The following TAFA4 variants were observed in gnomAD, a reference collection of about 807,000 sequenced individuals.
TAFA4 encodes chemokine-like protein TAFA-4.
In TAFA4, 20 loss-of-function variants were observed where a neutral mutation model predicts 21.1. That is an observed-to-expected ratio of 0.95 (90% CI 0.67 to 1.38). TAFA4 has a LOEUF of 1.38. Among genes scored for constraint, TAFA4 ranks in the 40% most tolerant of loss-of-function variants. The pLI is 0.00. For synonymous variants in TAFA4, 71 were observed against 67.4 expected, an observed-to-expected ratio of 1.05 and a Z score of -0.26; for missense variants, 211 against 180.9, an observed-to-expected ratio of 1.17 and a Z score of -0.95.
At chr3:68,810,101 C>T (rs560718002) in intron 3 of TAFA4, among the ~76,000 whole-genome samples, 2 of 152,134 alleles carry the variant, frequency 1.3e-5, no homozygotes, top group African/African-American at 4.8e-5. Flanking sequence ...TTTTTCCTAC[C>T]TCTATAAAAA....
chr3:68,827,043 A>AC (rs1002489410), intron 3 of TAFA4, among the ~76,000 whole-genome samples: 1 of 35,518 alleles, frequency 2.8e-5, no homozygotes, highest in African/African-American at 1.1e-4. Context: ...CCAGCCCCCC[A>AC]CCCCCCAACA....
intron 3 of TAFA4, among the ~76,000 whole-genome samples, chr3:68,770,950 C>G (rs967424553): frequency 6.6e-6 from 1 of 152,152 alleles, no homozygotes. Context: ...CACACACAAG[C>G]GGCTGGACAT....
intron 4 of TAFA4, among the ~76,000 whole-genome samples, chr3:68,741,247 A>AAT (rs1454626152): frequency 6.6e-6 from 1 of 152,154 alleles, no homozygotes; most frequent in Non-Finnish European, 1.5e-5. Flanking sequence ...ACATTTTAAC[A>AAT]ATATTTTTCC....
At chr3:68,800,875 T>G (rs1703563667) in intron 3 of TAFA4, among the ~76,000 whole-genome samples, 1 of 152,162 alleles carries the variant, frequency 6.6e-6, no homozygotes, top group African/African-American at 2.4e-5. Flanking sequence ...AAAATGAGGC[T>G]AAGGAAAAGG....
At chr3:68,799,114 C>T (rs1294121396) in intron 3 of TAFA4, among the ~76,000 whole-genome samples, 1 of 152,116 alleles carries the variant, frequency 6.6e-6, no homozygotes, top group East Asian at 1.9e-4. Flanking sequence ...GTCCCCCCTC[C>T]CTCAAGATGT....
chr3:68,884,770 T>G (rs1485982336), intron 2 of TAFA4, among the ~76,000 whole-genome samples: 2 of 152,224 alleles, frequency 1.3e-5, no homozygotes, highest in Non-Finnish European at 2.9e-5. Flanking sequence ...CCCTAATCTA[T>G]CTTCTTCTTA....
At chr3:68,833,268 T>C (rs1046485655) in intron 3 of TAFA4, among the ~76,000 whole-genome samples, 4 of 152,194 alleles carry the variant, frequency 2.6e-5, no homozygotes, top group African/African-American at 7.2e-5. Flanking sequence ...ACCCATCTTC[T>C]GTGTCAATCT....
intron 3 of TAFA4, among the ~76,000 whole-genome samples, chr3:68,803,569 G>A (rs906738481): frequency 3.3e-5 from 5 of 152,006 alleles, no homozygotes; most frequent in African/African-American, 9.7e-5. Flanking sequence ...GAAGTACTAA[G>A]AAGTCCATCT....
chr3:68,894,918 G>A (rs1410490108), intron 1 of TAFA4, among the ~76,000 whole-genome samples: 1 of 152,114 alleles, frequency 6.6e-6, no homozygotes, highest in Non-Finnish European at 1.5e-5. Context: ...GCAATGGCGT[G>A]GTCTCCGCTC....
At position 68,898,178 on chromosome 3, in the gene TAFA4, C is replaced by G. The variant is rs557810953; in HGVS notation, c.-122-12868G>C. On this transcript the variant is annotated intron_variant, in intron 1 of 5. Coordinates refer to ENST00000295569, the MANE Select transcript of TAFA4 (RefSeq NM_182522.5). ...TAGCTTGAGCAAAGGTCAGTCTTGA[C>G]CAGCAGTGATTCAGAACCAGTCGCT... Among the ~76,000 whole-genome samples, 26 of 152,312 alleles carry G rather than the reference C, an allele frequency of 1.7e-4. No individual in the cohort carries two copies. In the South Asian group the frequency reaches 3.1e-3, roughly 18 times the overall value.
chr3:68,782,963 C>A (rs1022766404), intron 3 of TAFA4, among the ~76,000 whole-genome samples: 2 of 151,990 alleles, frequency 1.3e-5, no homozygotes, highest in African/African-American at 4.8e-5. Flanking sequence ...ATGTAATGAC[C>A]AAGTAAGGTT....
intron 3 of TAFA4, among the ~76,000 whole-genome samples, chr3:68,803,981 TTTC>T (rs760955100): frequency 6.6e-6 from 1 of 151,588 alleles, no homozygotes; most frequent in Non-Finnish European, 1.5e-5. Context: ...AGAGATGGGG[TTTC>T]TCCATGTTGG....
chr3:68,907,146 C>A (rs956455552), intron 1 of TAFA4, among the ~76,000 whole-genome samples: 3 of 150,248 alleles, frequency 2.0e-5, no homozygotes, highest in East Asian at 2.0e-4. Flanking sequence ...GTTTCAATAA[C>A]GTGATTTTAG....
intron 3 of TAFA4, among the ~76,000 whole-genome samples, chr3:68,858,037 C>A (rs542753066): frequency 6.6e-6 from 1 of 152,094 alleles, no homozygotes. Context: ...AGTGGCCCTG[C>A]TTTTCCTCCC....
At chr3:68,751,782 T>G (rs1433019839) in intron 4 of TAFA4, among the ~76,000 whole-genome samples, 11 of 152,160 alleles carry the variant, frequency 7.2e-5, no homozygotes, top group Non-Finnish European at 2.9e-5. Flanking sequence ...GATTATGGGG[T>G]GCAAGTGGAG....
chr3:68,835,802 C>T lies in TAFA4; in HGVS notation c.130+44928G>A, dbSNP rs535204985. Among the ~76,000 whole-genome samples, 440 of 152,338 alleles carry T rather than the reference C, an allele frequency of 2.9e-3. 2 individuals are homozygous for T. Among genetic ancestry groups the T allele is most frequent in the Non-Finnish European group, 2.5e-3 (167 of 68,042 alleles). ...TGTGTAGCTGCAGCAGATGTGCTTTCTTAGTTCCCAAGCATCAAATGCCAA... is the reference window on the plus strand; with the variant it reads ...TGTGTAGCTGCAGCAGATGTGCTTTTTTAGTTCCCAAGCATCAAATGCCAA... On this transcript the variant is annotated intron_variant, in intron 3 of 5. Coordinates refer to ENST00000295569, the MANE Select transcript of TAFA4 (RefSeq NM_182522.5).
chr3:68,733,990 G>A (rs969564973), intron 5 of TAFA4, among the ~76,000 whole-genome samples: 1 of 151,854 alleles, frequency 6.6e-6, no homozygotes, highest in East Asian at 1.9e-4. Context: ...TTCTAGTGCA[G>A]GGACTGGAAA....
chr3:68,798,156 T>C (rs542782787), intron 3 of TAFA4, among the ~76,000 whole-genome samples: 53 of 152,302 alleles, frequency 3.5e-4, no homozygotes, highest in South Asian at 2.9e-3. Context: ...TCTTTCCTCT[T>C]TTATGATACC....
chr3:68,812,347 G>A (rs932980709), intron 3 of TAFA4, among the ~76,000 whole-genome samples: 2 of 152,132 alleles, frequency 1.3e-5, no homozygotes, highest in African/African-American at 4.8e-5. Context: ...ATGTAAGTGG[G>A]CTAAATGCTC....
Sources: gnomAD v4.1 joint callset for allele counts (sites outside exome capture counted in the v4.1 genomes callset) on GRCh38, gnomAD v4.1.1 for gene constraint, MANE v1.5 for transcripts, NCBI Gene and HGNC (gene_info 2026-07-23, HGNC 2026-07-21) for gene names.